Variants in ZNF385D observed in about 807,000 individuals in gnomAD.
ZNF385D encodes zinc finger protein 385D.
ZNF385D carries 15 observed loss-of-function variants against 35.8 expected under a neutral mutation model. That is an observed-to-expected ratio of 0.42 (90% CI 0.28 to 0.64). ZNF385D has a LOEUF of 0.64. Ranked by LOEUF, ZNF385D falls within the 30% of genes least tolerant of loss-of-function variation. The pLI is 0.23. For synonymous variants in ZNF385D, 212 were observed against 186.8 expected, an observed-to-expected ratio of 1.13 and a Z score of -1.10; for missense variants, 474 against 494.6, an observed-to-expected ratio of 0.96 and a Z score of 0.39.
chr3:22,355,972 A>G (rs1265323428), intron 2 of ZNF385D, among the ~76,000 whole-genome samples: 1 of 152,096 alleles, frequency 6.6e-6, no homozygotes, highest in African/African-American at 2.4e-5. Flanking sequence ...TCTTGTAAGT[A>G]GCATTTTTAT....
rs116402783 is a variant in ZNF385D, at chr3:22,151,469, T to C, written c.325+17348A>G. Reference sequence around the variant, plus strand: ...GATTGCAATTCCTACAGTTGATGGATTATGTGTACATTGAAGTTCCAAATT... The same window carrying C: ...GATTGCAATTCCTACAGTTGATGGACTATGTGTACATTGAAGTTCCAAATT... On this transcript the variant is annotated intron_variant, in intron 3 of 5. Transcript: ENST00000494108. 4.6e-3 allele frequency among the ~76,000 whole-genome samples: 698 copies of C among 152,256 alleles called. 4 individuals are homozygous for C. The highest frequency in any genetic ancestry group is 4.8e-3 in the Non-Finnish European group (329 of 68,002).
At chr3:22,190,556 C>T (rs958183949) in intron 2 of ZNF385D, among the ~76,000 whole-genome samples, 3 of 152,038 alleles carry the variant, frequency 2.0e-5, no homozygotes, top group Non-Finnish European at 2.9e-5. Flanking sequence ...TTGCTAATAT[C>T]GTTAAGTTCT....
chr3:21,753,171 G>T (rs982949272), upstream of ZNF385D, among the ~76,000 whole-genome samples: 1 of 152,108 alleles, frequency 6.6e-6, no homozygotes, highest in Admixed American at 6.5e-5. Flanking sequence ...ATAGAAAGGT[G>T]GATATTACAG....
intron 1 of ZNF385D, among the ~76,000 whole-genome samples, chr3:21,738,289 G>GT (rs1225308531): frequency 6.6e-6 from 1 of 152,234 alleles, no homozygotes; most frequent in Non-Finnish European, 1.5e-5. Context: ...GAGGAGGTCT[G>GT]TGTTATGCAG....
intron 3 of ZNF385D, among the ~76,000 whole-genome samples, chr3:22,139,795 A>G (rs568514215): frequency 1.1e-3 from 161 of 152,294 alleles, no homozygotes; most frequent in Non-Finnish European, 2.8e-4. Context: ...TTCATTAAGT[A>G]GAGATATAAG....
intron 2 of ZNF385D, among the ~76,000 whole-genome samples, chr3:21,657,517 T>A (rs1033468730): frequency 6.6e-6 from 1 of 151,972 alleles, no homozygotes; most frequent in Non-Finnish European, 1.5e-5. Context: ...CATAAGCAGC[T>A]GTTTCTTAAG....
chr3:21,899,022 T>C (rs1011055464), intron 3 of ZNF385D, among the ~76,000 whole-genome samples: 4 of 152,092 alleles, frequency 2.6e-5, no homozygotes, highest in African/African-American at 9.7e-5. Context: ...TAGGGCAAAG[T>C]TGAGTTATTC....
chr3:21,678,000 T>C (rs2066781502), intron 1 of ZNF385D, among the ~76,000 whole-genome samples: 2 of 152,040 alleles, frequency 1.3e-5, no homozygotes, highest in African/African-American at 2.4e-5. Context: ...AGGGCATATA[T>C]TATTCATCAA....
Position 21,416,902 on chromosome 3 carries a change from C to T in ZNF385D, c.*4312G>A, listed in dbSNP as rs967065704. 2.0e-5 allele frequency: 3 copies of T among 152,238 alleles called. No homozygotes were observed. The highest frequency in any genetic ancestry group is 7.2e-5 in the African/African-American group (3 of 41,534). The allele number at this position is 152,238 out of a possible 1,614,324, so 9.4% of individuals were successfully genotyped here. On this transcript the variant is annotated 3_prime_UTR_variant, in exon 8 of 8. Coordinates refer to ENST00000281523, the MANE Select transcript of ZNF385D (RefSeq NM_024697.3). ...AAATTGTTGTTCCCTTCCACACCCC[C>T]ACTGCCAGCTGTCTATTGCCTTTTT...
At chr3:21,468,741 T>C (rs1054580045) in intron 4 of ZNF385D, among the ~76,000 whole-genome samples, 1 of 151,980 alleles carries the variant, frequency 6.6e-6, no homozygotes, top group Non-Finnish European at 1.5e-5. Context: ...CTGGCCAACA[T>C]GGTGAAACTC....
At chr3:21,965,101 C>T (rs1182423419) in intron 3 of ZNF385D, among the ~76,000 whole-genome samples, 2 of 152,030 alleles carry the variant, frequency 1.3e-5, no homozygotes, top group Non-Finnish European at 2.9e-5. Context: ...AGACTGAACA[C>T]AGTATGAAGA....
intron 3 of ZNF385D, among the ~76,000 whole-genome samples, chr3:21,519,432 G>A (rs1314797471): frequency 6.6e-6 from 1 of 152,166 alleles, no homozygotes; most frequent in African/African-American, 2.4e-5. Flanking sequence ...GAATGATATA[G>A]TAGAGAGTGC....
At chr3:21,903,063 G>C (rs570709433) in intron 3 of ZNF385D, among the ~76,000 whole-genome samples, 4 of 152,112 alleles carry the variant, frequency 2.6e-5, no homozygotes, top group Admixed American at 6.6e-5. Flanking sequence ...AACAACCTTC[G>C]CAGTGCTAGC....
chr3:21,772,744 A>T (rs963660772), intron 3 of ZNF385D, among the ~76,000 whole-genome samples: 2 of 151,918 alleles, frequency 1.3e-5, no homozygotes, highest in East Asian at 1.9e-4. Flanking sequence ...TTGCAAAGAG[A>T]TATTTGAACA....
At chr3:21,846,416 G>A (rs765389122) in intron 3 of ZNF385D, among the ~76,000 whole-genome samples, 2 of 151,970 alleles carry the variant, frequency 1.3e-5, no homozygotes, top group Non-Finnish European at 2.9e-5. Context: ...ATACAGTAGG[G>A]AAATTACTGA....
At chr3:21,980,981 G>A (rs569712703) in intron 3 of ZNF385D, among the ~76,000 whole-genome samples, 1 of 152,194 alleles carries the variant, frequency 6.6e-6, no homozygotes, top group African/African-American at 2.4e-5. Context: ...TAGGCATTTA[G>A]TTTGATTCCA....
intron 3 of ZNF385D, among the ~76,000 whole-genome samples, chr3:21,559,925 T>C (rs2062879253): frequency 6.6e-6 from 1 of 152,198 alleles, no homozygotes; most frequent in Non-Finnish European, 1.5e-5. Context: ...AGCTCTGATA[T>C]CCTTTCTTCT....
chr3:21,985,567 G>A lies in ZNF385D; in HGVS notation c.325+183250C>T, dbSNP rs1333090461. Among the ~76,000 whole-genome samples the A allele has an allele frequency of 4.0e-4, 52 of 131,196 alleles. 1 individual carries two copies. Among genetic ancestry groups the A allele is most frequent in the African/African-American group, 1.5e-3 (46 of 30,942 alleles). 86.1% of individuals were successfully genotyped at this position (131,196 alleles called of 152,430 possible). A position where few individuals can be genotyped will look rare whatever the true frequency, so the allele number is the denominator to read the frequency against. ...TTTGATGTGCTGCTGGATTCAGTTT[G>A]CCAGTATTTTATTGAGGATTTTTGC... On this transcript the variant is annotated intron_variant, in intron 3 of 5. Coordinates refer to the ZNF385D transcript ENST00000494108.
chr3:21,776,304 G>A (rs1364127275), intron 3 of ZNF385D, among the ~76,000 whole-genome samples: 1 of 151,834 alleles, frequency 6.6e-6, no homozygotes, highest in Non-Finnish European at 1.5e-5. Context: ...AGGTTAAAGG[G>A]TAAAATTGCT....
Sources: gnomAD v4.1 joint callset for allele counts (sites outside exome capture counted in the v4.1 genomes callset) on GRCh38, gnomAD v4.1.1 for gene constraint, MANE v1.5 for transcripts, NCBI Gene and HGNC (gene_info 2026-07-23, HGNC 2026-07-21) for gene names.